Variants in SGCD observed in about 807,000 individuals in gnomAD.
SGCD encodes the protein sarcoglycan delta, also known as delta-sarcoglycan.
A neutral mutation model predicts 36.6 loss-of-function variants in SGCD; 18 were observed. That is an observed-to-expected ratio of 0.49 (90% CI 0.34 to 0.73). The LOEUF (loss-of-function observed/expected upper bound fraction) is 0.73. SGCD is among the 30% of genes least tolerant of loss of function. The probability of loss-of-function intolerance (pLI) is 0.01; values close to 1 mark genes in which losing one functional copy is unlikely to be tolerated. For missense variants in SGCD, 387 were observed against 346.7 expected, an observed-to-expected ratio of 1.12 and a Z score of -0.92; for synonymous variants, 133 against 130.6, an observed-to-expected ratio of 1.02 and a Z score of -0.12.
chr5:156,618,592 CAA>C (rs748789128), intron 6 of SGCD, among the ~76,000 whole-genome samples: 3 of 76,354 alleles, frequency 3.9e-5, no homozygotes, highest in Admixed American at 1.4e-4. Flanking sequence ...TCATAATTCT[CAA>C]AAAAAAAAAA....
intron 3 of SGCD, among the ~76,000 whole-genome samples, chr5:156,456,879 T>G (rs573097165): frequency 6.6e-6 from 1 of 152,222 alleles, no homozygotes; most frequent in Non-Finnish European, 1.5e-5. Context: ...ACACATTTAG[T>G]AATTATAAAT....
At chr5:155,736,858 C>T in the SGCD span, among the ~76,000 whole-genome samples, 1 of 152,116 alleles carries the variant, frequency 6.6e-6, no homozygotes, top group Non-Finnish European at 1.5e-5. Context: ...TAAATCACCA[C>T]AGAGATGACA....
intron 2 of SGCD, among the ~76,000 whole-genome samples, chr5:156,334,520 A>G (rs972604323): frequency 1.3e-5 from 2 of 151,034 alleles, no homozygotes; most frequent in African/African-American, 2.4e-5. Context: ...TTGTTCAACT[A>G]TAGCCTTTTC....
At chr5:156,682,833 G>A (rs1265166093) in intron 7 of SGCD, among the ~76,000 whole-genome samples, 6 of 152,140 alleles carry the variant, frequency 3.9e-5, no homozygotes, top group Non-Finnish European at 7.3e-5. Context: ...GTACCGTACC[G>A]AAGGTCTCCA....
intron 1 of SGCD, among the ~76,000 whole-genome samples, chr5:156,045,276 G>A (rs1364948652): frequency 6.6e-6 from 1 of 152,080 alleles, no homozygotes; most frequent in Admixed American, 6.6e-5. Flanking sequence ...TCAAATCATA[G>A]CATACATGCT....
At chr5:156,572,101 A>C (rs1291979760) in intron 4 of SGCD, among the ~76,000 whole-genome samples, 1 of 152,240 alleles carries the variant, frequency 6.6e-6, no homozygotes, top group African/African-American at 2.4e-5. Flanking sequence ...CAGGGGAATA[A>C]TATTCCACAG....
the SGCD span, among the ~76,000 whole-genome samples, chr5:155,863,021 ATC>A: frequency 2.6e-5 from 4 of 152,214 alleles, no homozygotes. Context: ...AGTGCATTCT[ATC>A]TCTGTTTCAA....
chr5:156,398,401 T>A (rs1161721742), intron 3 of SGCD, among the ~76,000 whole-genome samples: 1 of 152,156 alleles, frequency 6.6e-6, no homozygotes, highest in African/African-American at 2.4e-5. Context: ...GATGGACAAT[T>A]GAATGAAATG....
chr5:155,934,630 T>C (rs1217432779), intron 1 of SGCD, among the ~76,000 whole-genome samples: 1 of 152,236 alleles, frequency 6.6e-6, no homozygotes, highest in Non-Finnish European at 1.5e-5. Context: ...TTAATATTTA[T>C]TAACCATTGT....
chr5:156,757,742 G>C (rs763039536), intron 8 of SGCD, 38 bp downstream of exon 8: 2 of 1,585,396 alleles, frequency 1.3e-6, no homozygotes, highest in Admixed American at 3.6e-5. Flanking sequence ...AAGAGCTACA[G>C]CTTCAACAGG....
chr5:156,647,582 G>A lies in SGCD; in HGVS notation c.575+46G>A, dbSNP rs770530590. ...TGCATTGATTAATGGCTATTGCCTTGCTCTGTGCAACTGGCCAGTGATTCA... is the reference window on the plus strand; with the variant it reads ...TGCATTGATTAATGGCTATTGCCTTACTCTGTGCAACTGGCCAGTGATTCA... On this transcript the variant is annotated intron_variant, in intron 7 of 8. Coordinates refer to ENST00000337851, the MANE Select transcript of SGCD (RefSeq NM_000337.6). 3.2e-6 allele frequency: 4 copies of A among 1,253,390 alleles called. No individual in the cohort carries two copies. In the South Asian group the frequency reaches 5.1e-5, roughly 16 times the overall value. 77.6% of individuals were successfully genotyped at this position (1,253,390 alleles called of 1,614,324 possible). A position where few individuals can be genotyped will look rare whatever the true frequency, so the allele number is the denominator to read the frequency against.
intron 3 of SGCD, among the ~76,000 whole-genome samples, chr5:156,420,490 T>C (rs764444029): frequency 3.3e-5 from 5 of 152,166 alleles, no homozygotes; most frequent in Non-Finnish European, 5.9e-5. Flanking sequence ...TTATTACTTA[T>C]TTTGTGTGGA....
chr5:156,647,091 A>G (rs914049134), intron 6 of SGCD, among the ~76,000 whole-genome samples: 1 of 152,190 alleles, frequency 6.6e-6, no homozygotes, highest in East Asian at 1.9e-4. Context: ...ATGCATTGCA[A>G]TAAGAGAGCT....
chr5:156,285,564 G>A (rs947015449), intron 3 of SGCD, among the ~76,000 whole-genome samples: 2 of 152,144 alleles, frequency 1.3e-5, no homozygotes, highest in Non-Finnish European at 2.9e-5. Context: ...ACAAAAACAA[G>A]CAATGGAGAA....
chr5:156,328,966 C>A (rs536816188), intron 1 of SGCD, among the ~76,000 whole-genome samples: 1 of 152,256 alleles, frequency 6.6e-6, no homozygotes, highest in South Asian at 2.1e-4. Flanking sequence ...GGGTGTCATA[C>A]TCCTCTATAT....
intron 6 of SGCD, among the ~76,000 whole-genome samples, chr5:156,642,432 T>C (rs32058): frequency 0.3 from 44,975 of 149,746 alleles, 8,047 homozygotes; most frequent in African/African-American, 0.5. Flanking sequence ...ATATTCATCT[T>C]TTGCTAAGAA....
chr5:156,213,430 A>G (rs1764498543), intron 3 of SGCD, among the ~76,000 whole-genome samples: 1 of 152,064 alleles, frequency 6.6e-6, no homozygotes, highest in South Asian at 2.1e-4. Flanking sequence ...TACACAGAAA[A>G]TGTGAACAGA....
chr5:156,684,683 G>A (rs2113691364), intron 7 of SGCD, among the ~76,000 whole-genome samples: 1 of 152,288 alleles, frequency 6.6e-6, no homozygotes. Flanking sequence ...TCCCCCAGCA[G>A]GCTGGGAAAA....
chr5:156,317,668 G>A (rs1373874126), intron 3 of SGCD, among the ~76,000 whole-genome samples: 1 of 152,144 alleles, frequency 6.6e-6, no homozygotes, highest in East Asian at 1.9e-4. Context: ...GAAATGTTCT[G>A]TGTTTTGATT....
Sources: gnomAD v4.1 joint callset for allele counts (sites outside exome capture counted in the v4.1 genomes callset) on GRCh38, gnomAD v4.1.1 for gene constraint, MANE v1.5 for transcripts, NCBI Gene and HGNC (gene_info 2026-07-23, HGNC 2026-07-21) for gene names.